POGLUT1: variants seen among roughly 807,000 people sequenced by gnomAD.
POGLUT1 encodes the protein protein O-glucosyltransferase 1.
POGLUT1 carries 32 observed loss-of-function variants against 61.3 expected under a neutral mutation model. That is an observed-to-expected ratio of 0.52 (90% CI 0.39 to 0.70). The LOEUF (loss-of-function observed/expected upper bound fraction) is 0.70. POGLUT1 is among the 30% of genes least tolerant of loss of function. The pLI is 0.00. For synonymous variants in POGLUT1, 158 were observed against 158.2 expected (o/e 1.00, Z 0.01); for missense variants, 411 against 469.8 (o/e 0.87, Z 1.16).
intron 3 of POGLUT1, among the ~76,000 whole-genome samples, chr3:119,474,368 C>G (rs1003397379): frequency 6.6e-6 from 1 of 152,066 alleles, no homozygotes; most frequent in Non-Finnish European, 1.5e-5. Context: ...GATAATGAAC[C>G]TTCCATCACA....
At chr3:119,485,487 C>A in intron 6 of POGLUT1, 100 bp downstream of exon 6, 1 of 659,448 alleles carries the variant, frequency 1.5e-6, no homozygotes, top group African/African-American at 1.9e-5. Flanking sequence ...AAAGGGAAAG[C>A]TAAGATAACA....
At chr3:119,477,829 A>G (rs561081707) in intron 4 of POGLUT1, among the ~76,000 whole-genome samples, 2 of 152,312 alleles carry the variant, frequency 1.3e-5, no homozygotes, top group African/African-American at 2.4e-5. Flanking sequence ...CCTACTATGT[A>G]TATATTCAGC....
chr3:119,491,530 A>G lies in POGLUT1; in HGVS notation c.978A>G (p.Gln326=), dbSNP rs200054647. The change falls in exon 10 of 11, where the codon CAA becomes CAG. Residue 326 remains glutamine, a synonymous_variant. Coordinates refer to ENST00000295588, the MANE Select transcript of POGLUT1 (RefSeq NM_152305.3). ...TDLSNVQELL[Q]FVKANDDVAQ... The stretch of plus-strand genomic sequence containing the variant: ...CTTTTCATTTTAGAGAGCTGTTACA[A>G]TTTGTAAAAGCAAATGATGATGTAG... The G allele has an allele frequency of 5.9e-6, 9 of 1,536,432 alleles. No homozygotes were observed. Among genetic ancestry groups the G allele is most frequent in the Admixed American group, 5.4e-5 (3 of 55,364 alleles).
Position 119,494,576 on chromosome 3 carries a change from G to T in POGLUT1, c.*2138G>T, listed in dbSNP as rs2081792884. ...AATTTGTTTCCCCACAACTTTTGAA[G>T]GTTTTATTTGTTGTTGTTATTACTA... is the stretch of plus-strand genomic sequence containing the variant. On this transcript the variant is annotated 3_prime_UTR_variant, in exon 11 of 11. Transcript: ENST00000295588. 6.6e-6 allele frequency: 1 copy of T among 152,570 alleles called. No homozygotes were observed. The highest frequency in any genetic ancestry group is 1.5e-5 in the Non-Finnish European group (1 of 68,026). The allele number at this position is 152,570 out of a possible 1,614,324, so 9.5% of individuals were successfully genotyped here. A position where few individuals can be genotyped will look rare whatever the true frequency, so the allele number is the denominator to read the frequency against.
At chr3:119,486,738 A>G (rs914730173) in intron 6 of POGLUT1, 95 bp from the exon 7 acceptor site, 32 of 829,800 alleles carry the variant, frequency 3.9e-5, no homozygotes, top group Non-Finnish European at 5.8e-5. Context: ...GTGCAGAGTC[A>G]TTGCATTGGG....
chr3:119,476,972 A>G (rs1008274839), intron 3 of POGLUT1, among the ~76,000 whole-genome samples: 7 of 152,224 alleles, frequency 4.6e-5, no homozygotes, highest in African/African-American at 1.7e-4. Context: ...TATCTTGTCT[A>G]CTAATTAAAC....
At position 119,477,383 on chromosome 3, in the gene POGLUT1, G is replaced by A. The variant is rs572594675; in HGVS notation, c.391G>A (p.Val131Ile). 8.1e-6 allele frequency: 13 copies of A among 1,613,988 alleles called. No individual in the cohort carries two copies. The African/African-American group carries it at 1.7e-4, about 22-fold the overall frequency. The change falls in exon 4 of 11, where the codon GTA becomes ATA. Residue 131 changes from valine (V) to isoleucine (I), a missense_variant. Physicochemically the swap from Val to Ile is conservative, Grantham distance 29. Transcript: ENST00000295588. Reference sequence around the variant, plus strand: ...CCCTGACATGGAGATGGTGATCAATGTACGAGATTATCCTCAGGTTCCTAA... The same window carrying A: ...CCCTGACATGGAGATGGTGATCAATATACGAGATTATCCTCAGGTTCCTAA... ...RLPDMEMVIN[V>I]RDYPQVPKWM...
In POGLUT1 at chr3:119,485,380, G is replaced by A. The variant is rs994319416; in HGVS notation, c.631G>A (p.Gly211Arg). The stretch of plus-strand genomic sequence containing the variant: ...GAAAAACTCTACAGCATATTTCCGA[G>A]GATCAAGGTGAGTTATTTTCTGACA... ...KKKNSTAYFR[G>R]SRTSPERDPL... Residue 211 changes from glycine (G) to arginine (R), a missense_variant, in exon 6 of 11, where the codon GGA (glycine) becomes AGA (arginine). Physicochemically the swap from Gly to Arg is moderately radical, Grantham distance 125 (BLOSUM62 -2). Transcript: ENST00000295588. The A allele has an allele frequency of 1.9e-6, 3 of 1,603,098 alleles. No homozygotes were observed. The highest frequency in any genetic ancestry group is 2.6e-6 in the Non-Finnish European group (3 of 1,170,584).
At position 119,492,517 on chromosome 3, in the gene POGLUT1, G is replaced by T; in HGVS notation, c.*79G>T. ...CGGTGAGAAGCTTACCATAAGCTTG[G>T]CACCTATACCTTGAATATCTGCTAT... On this transcript the variant is annotated 3_prime_UTR_variant, in exon 11 of 11. Coordinates refer to ENST00000295588, the MANE Select transcript of POGLUT1 (RefSeq NM_152305.3). 2 of 943,336 alleles carry T rather than the reference G, an allele frequency of 2.1e-6. No individual in the cohort carries two copies. Among genetic ancestry groups the T allele is most frequent in the Non-Finnish European group, 3.1e-6 (2 of 648,142 alleles). 58.4% of individuals were successfully genotyped at this position (943,336 alleles called of 1,614,324 possible).
At chr3:119,471,623 C>G in intron 3 of POGLUT1, 171 bp downstream of exon 3, 1 of 629,104 alleles carries the variant, frequency 1.6e-6, no homozygotes. Flanking sequence ...TTCTTGCGAG[C>G]TCCTCTCAAA....
At chr3:119,480,254 T>A (rs2081590341) in intron 5 of POGLUT1, 82 bp downstream of exon 5, 2 of 984,238 alleles carry the variant, frequency 2.0e-6, no homozygotes, top group African/African-American at 1.7e-5. Flanking sequence ...ATTATTTACT[T>A]TTTTTTTTTT....
chr3:119,474,972 T>G (rs113474440), intron 3 of POGLUT1, among the ~76,000 whole-genome samples: 93 of 152,184 alleles, frequency 6.1e-4, no homozygotes, highest in African/African-American at 1.9e-3. Context: ...TCTTTTAGTG[T>G]CAAAGAGTAT....
At chr3:119,491,604 T>G in intron 10 of POGLUT1, 30 bp downstream of exon 10, 1 of 1,363,394 alleles carries the variant, frequency 7.3e-7, no homozygotes. Context: ...CCTTTTCCAC[T>G]TTACTTTTTG....
chr3:119,489,778 C>CTAA (rs1259779044), intron 8 of POGLUT1: 1 of 152,542 alleles, frequency 6.6e-6, no homozygotes, highest in African/African-American at 2.4e-5. Context: ...GGGAAGCGAG[C>CTAA]ATTACCGCCT....
chr3:119,472,708 C>T (rs2081489832), intron 3 of POGLUT1, among the ~76,000 whole-genome samples: 1 of 138,656 alleles, frequency 7.2e-6, no homozygotes, highest in South Asian at 2.3e-4. Context: ...AAGAGCGAAA[C>T]TGTCTAAATA....
At chr3:119,469,383 C>T in intron 1 of POGLUT1, 1 of 571,512 alleles carries the variant, frequency 1.7e-6, no homozygotes, top group South Asian at 2.0e-5. Context: ...CCGTGCTTGG[C>T]TACTCTGGAC....
intron 3 of POGLUT1, among the ~76,000 whole-genome samples, chr3:119,472,518 A>C (rs1159239391): frequency 6.6e-6 from 1 of 152,128 alleles, no homozygotes; most frequent in South Asian, 2.1e-4. Context: ...GGAGTTTGAG[A>C]CCAAACTGAC....
rs1225952520 is a variant in POGLUT1, at chr3:119,494,638, C to T, written c.*2200C>T. The T allele has an allele frequency of 6.5e-6, 1 of 152,742 alleles. No individual in the cohort carries two copies. The highest frequency in any genetic ancestry group is 2.1e-4 in the South Asian group (1 of 4,826). The allele number at this position is 152,742 out of a possible 1,614,324, so 9.5% of individuals were successfully genotyped here. A position where few individuals can be genotyped will look rare whatever the true frequency, so the allele number is the denominator to read the frequency against. On this transcript the variant is annotated 3_prime_UTR_variant, in exon 11 of 11. Coordinates refer to ENST00000295588, the MANE Select transcript of POGLUT1 (RefSeq NM_152305.3). ...AACTTACCCTTTCCTTTTCAGAGAG[C>T]TAATGGCCATGCTTTTCTTCAAGGA...
intron 3 of POGLUT1, among the ~76,000 whole-genome samples, chr3:119,475,271 G>A (rs898328397): frequency 6.6e-6 from 1 of 152,186 alleles, no homozygotes; most frequent in Admixed American, 6.5e-5. Flanking sequence ...TTTTGAGATT[G>A]TTCCATAAGA....
Sources: gnomAD v4.1 joint callset for allele counts (sites outside exome capture counted in the v4.1 genomes callset) on GRCh38, gnomAD v4.1.1 for gene constraint, MANE v1.5 for transcripts, NCBI Gene and HGNC (gene_info 2026-07-23, HGNC 2026-07-21) for gene names.